The following ZFAND3 variants were observed in gnomAD, a reference collection of about 807,000 sequenced individuals.
ZFAND3 encodes AN1-type zinc finger protein 3.
Under a neutral mutation model 29.6 loss-of-function variants are expected in ZFAND3, and 10 were observed. The observed-to-expected ratio is 0.34, with a 90% CI of 0.21 to 0.57. The LOEUF (loss-of-function observed/expected upper bound fraction) is 0.57. Among genes scored for constraint, ZFAND3 ranks in the 20% least tolerant of loss-of-function variants. The probability of loss-of-function intolerance (pLI) is 0.86; values close to 1 mark genes in which losing one functional copy is unlikely to be tolerated. For synonymous variants in ZFAND3, 128 were observed against 112.6 expected (o/e 1.14, Z -0.87); for missense variants, 230 against 304.5 (o/e 0.76, Z 1.82).
At chr6:38,052,440 C>A (rs2127460458) in intron 2 of ZFAND3, among the ~76,000 whole-genome samples, 1 of 152,200 alleles carries the variant, frequency 6.6e-6, no homozygotes, top group East Asian at 1.9e-4. Context: ...AATTTAAAAT[C>A]CATTTTAAAT....
At chr6:38,125,531 A>G (rs551056484) in intron 5 of ZFAND3, among the ~76,000 whole-genome samples, 2 of 152,280 alleles carry the variant, frequency 1.3e-5, no homozygotes, top group South Asian at 2.1e-4. Flanking sequence ...CCTGTGTCAC[A>G]TCCCCACCCA....
intron 2 of ZFAND3, among the ~76,000 whole-genome samples, chr6:38,053,019 G>T (rs555051716): frequency 3.4e-5 from 5 of 146,092 alleles, no homozygotes; most frequent in African/African-American, 1.3e-4. Flanking sequence ...GGGCGACAGC[G>T]CAAGACTCCA....
chr6:38,131,869 G>C (rs1187246435), intron 5 of ZFAND3, among the ~76,000 whole-genome samples: 1 of 152,238 alleles, frequency 6.6e-6, no homozygotes, highest in South Asian at 2.1e-4. Context: ...TTTTGGAACA[G>C]TGTTTGAAAG....
rs142374943 is a variant in ZFAND3 at position 38,152,266 on chromosome 6, C to T, written c.561C>T (p.Pro187=). ...GYVFCMLHRL[P]EQHDCTFDHM... ...TGTTCTGTATGTTACATCGCCTCCC[C>T]GAGCAGCACGACTGCACATTCGACC... The change falls in exon 6 of 6, where the codon CCC becomes CCT. Residue 187 remains proline (P), a synonymous_variant. Transcript: ENST00000287218. The T allele has an allele frequency of 1.9e-4, 308 of 1,584,570 alleles. No individual in the cohort carries two copies. The highest frequency in any genetic ancestry group is 3.3e-4 in the African/African-American group (24 of 73,560).
intron 1 of ZFAND3, among the ~76,000 whole-genome samples, chr6:37,820,863 C>G (rs757923015): frequency 4.6e-5 from 7 of 152,158 alleles, no homozygotes; most frequent in Non-Finnish European, 8.8e-5. Context: ...TCTTCCTCCC[C>G]CCATTACTGT....
intron 4 of ZFAND3, among the ~76,000 whole-genome samples, chr6:38,098,878 T>C (rs966314190): frequency 6.6e-6 from 1 of 152,294 alleles, no homozygotes; most frequent in East Asian, 1.9e-4. Context: ...TCAATACATA[T>C]ATATATGTGG....
rs191679101 is a variant in ZFAND3 at position 37,929,812 on chromosome 6, T to A, written c.72-147T>A. 50 of 567,988 alleles carry A rather than the reference T, an allele frequency of 8.8e-5. No homozygotes were observed. In the African/African-American group the frequency reaches 8.8e-4, roughly 10 times the overall value. The allele number at this position is 567,988 out of a possible 1,614,324, so 35.2% of individuals were successfully genotyped here. A position where few individuals can be genotyped will look rare whatever the true frequency, so the allele number is the denominator to read the frequency against. ...TGTTGAGGGGGGAGTGGTGGCTAGC[T>A]AGGGACTTGTTATTAATTTATCAGT... On this transcript the variant is annotated intron_variant, in intron 1 of 5. Coordinates refer to ENST00000287218, the MANE Select transcript of ZFAND3 (RefSeq NM_021943.3).
At chr6:37,846,624 C>T (rs1296783207) in intron 1 of ZFAND3, among the ~76,000 whole-genome samples, 1 of 151,966 alleles carries the variant, frequency 6.6e-6, no homozygotes, top group Non-Finnish European at 1.5e-5. Context: ...TGCCGAAGCT[C>T]ACTCATCTAG....
intron 5 of ZFAND3, among the ~76,000 whole-genome samples, chr6:38,141,127 G>A (rs1765946087): frequency 6.6e-6 from 1 of 152,092 alleles, no homozygotes; most frequent in African/African-American, 2.4e-5. Context: ...GAGTTATCGT[G>A]GTGAAAACAA....
chr6:37,897,093 A>G lies in ZFAND3; in HGVS notation c.72-32866A>G, dbSNP rs567085218. On this transcript the variant is annotated intron_variant, in intron 1 of 5. Transcript: ENST00000287218. ...AATTTACAACGTAATGAATTTTCATACATGTATATTTCTATCTATATATGT... is the reference window on the plus strand; with the variant it reads ...AATTTACAACGTAATGAATTTTCATGCATGTATATTTCTATCTATATATGT... 3.3e-5 allele frequency among the ~76,000 whole-genome samples: 5 copies of G among 152,344 alleles called. No individual in the cohort carries two copies. The South Asian group carries it at 6.2e-4, about 19-fold the overall frequency.
chr6:38,019,505 A>G (rs940457315), intron 2 of ZFAND3, among the ~76,000 whole-genome samples: 1 of 151,824 alleles, frequency 6.6e-6, no homozygotes, highest in Admixed American at 6.6e-5. Flanking sequence ...TTGATCATGT[A>G]TGGCATATGT....
At chr6:38,125,065 A>C (rs1765609767) in intron 5 of ZFAND3, among the ~76,000 whole-genome samples, 1 of 152,228 alleles carries the variant, frequency 6.6e-6, no homozygotes, top group Admixed American at 6.5e-5. Context: ...AAAGTTCCAC[A>C]ACCTTTTGAT....
intron 3 of ZFAND3, among the ~76,000 whole-genome samples, chr6:38,070,869 T>C (rs1162637873): frequency 2.0e-5 from 3 of 152,092 alleles, no homozygotes; most frequent in Non-Finnish European, 4.4e-5. Context: ...TCTTCTTCTT[T>C]TTTTTTAATA....
intron 2 of ZFAND3, among the ~76,000 whole-genome samples, chr6:38,028,990 T>A (rs1763499382): frequency 1.3e-5 from 2 of 152,204 alleles, no homozygotes; most frequent in Non-Finnish European, 2.9e-5. Context: ...CATTACAGAA[T>A]CATGTCTTTC....
chr6:38,069,792 A>T (rs1311126183), intron 3 of ZFAND3, among the ~76,000 whole-genome samples: 1 of 152,230 alleles, frequency 6.6e-6, no homozygotes, highest in East Asian at 1.9e-4. Context: ...GTTGGATAGG[A>T]ACTTGTTTAA....
At chr6:37,862,748 C>A (rs373457496) in intron 1 of ZFAND3, among the ~76,000 whole-genome samples, 1 of 151,658 alleles carries the variant, frequency 6.6e-6, no homozygotes, top group African/African-American at 2.4e-5. Flanking sequence ...GTGCCCTGGG[C>A]CTTCAGATGT....
At chr6:38,014,247 G>T (rs1009527568) in intron 2 of ZFAND3, among the ~76,000 whole-genome samples, 4 of 151,920 alleles carry the variant, frequency 2.6e-5, no homozygotes, top group Non-Finnish European at 5.9e-5. Context: ...AAGAGAGAGA[G>T]AATTTGTTAA....
intron 5 of ZFAND3, chr6:38,142,437 C>T (rs1341110840): frequency 6.7e-6 from 3 of 450,754 alleles, no homozygotes; most frequent in Non-Finnish European, 1.4e-5. Flanking sequence ...AACTGAGTTA[C>T]CCCCATGGGC....
chr6:38,129,470 TCTTTAAC>T (rs1765702069), intron 5 of ZFAND3, among the ~76,000 whole-genome samples: 1 of 152,216 alleles, frequency 6.6e-6, no homozygotes, highest in Non-Finnish European at 1.5e-5. Flanking sequence ...TAGATTTAAG[TCTTTAAC>T]CCATCTTGAG....
Sources: allele counts gnomAD v4.1 joint callset (sites outside exome capture counted in the v4.1 genomes callset), GRCh38; gene constraint gnomAD v4.1.1; transcripts MANE v1.5; gene names NCBI Gene and HGNC (gene_info 2026-07-23, HGNC 2026-07-21).